MAPK10: variants seen among roughly 807,000 people sequenced by gnomAD.
The protein encoded by MAPK10 is JNK3 alpha protein kinase.
MAPK10 carries 25 observed loss-of-function variants against 59.3 expected under a neutral mutation model. The ratio of observed to expected loss-of-function variants is 0.42; its 90% CI spans 0.31 to 0.59. MAPK10 has a LOEUF of 0.59. Among genes scored for constraint, MAPK10 ranks in the 20% least tolerant of loss-of-function variants. MAPK10 has a pLI of 0.15. For synonymous variants in MAPK10, 190 were observed against 200.5 expected, an observed-to-expected ratio of 0.95 and a Z score of 0.44; for missense variants, 351 against 568.9, an observed-to-expected ratio of 0.62 and a Z score of 3.90.
upstream of MAPK10, among the ~76,000 whole-genome samples, chr4:86,455,667 A>G (rs1751162678): frequency 6.6e-6 from 1 of 152,116 alleles, no homozygotes; most frequent in Non-Finnish European, 1.5e-5. Flanking sequence ...ACAATTACTA[A>G]TAGACCTAAG....
chr4:86,207,282 A>T (rs1200090011), intron 2 of MAPK10, among the ~76,000 whole-genome samples: 1 of 151,670 alleles, frequency 6.6e-6, no homozygotes, highest in Non-Finnish European at 1.5e-5. Flanking sequence ...CAGTTTTTCC[A>T]GCACCATTTA....
upstream of MAPK10, among the ~76,000 whole-genome samples, chr4:86,454,561 A>G (rs1020706307): frequency 2.6e-5 from 4 of 152,162 alleles, no homozygotes; most frequent in Non-Finnish European, 4.4e-5. Flanking sequence ...AGGTTTTCAA[A>G]TTAACCCAAT....
At chr4:86,455,141 C>G (rs1384191151), upstream of MAPK10, among the ~76,000 whole-genome samples, 2 of 152,154 alleles carry the variant, frequency 1.3e-5, no homozygotes, top group Non-Finnish European at 2.9e-5. Flanking sequence ...AGGTCTAAAT[C>G]TTGAAACATA....
At chr4:86,169,584 C>G (rs919211902) in intron 3 of MAPK10, among the ~76,000 whole-genome samples, 1 of 152,240 alleles carries the variant, frequency 6.6e-6, no homozygotes, top group Admixed American at 6.5e-5. Context: ...AAATCTACAT[C>G]TGATTGGTGT....
At position 86,064,405 on chromosome 4, in the gene MAPK10, G is replaced by A. The variant is rs769386684; in HGVS notation, c.986-15C>T. The A allele has an allele frequency of 2.8e-5, 45 of 1,609,350 alleles. No homozygotes were observed. Among genetic ancestry groups the A allele is most frequent in the Admixed American group, 1.4e-4 (8 of 58,738 alleles). On this transcript the variant is annotated splice_polypyrimidine_tract_variant and intron_variant, in intron 10 of 13. Transcript: ENST00000641462. The stretch of plus-strand genomic sequence containing the variant: ...GGCTTGGCTGGCTGAAACAATAAAT[G>A]AGAAAAACAATTAGTAAGATTTTGA...
intron 1 of MAPK10, among the ~76,000 whole-genome samples, chr4:86,540,390 C>T (rs1180773062): frequency 6.6e-6 from 1 of 152,252 alleles, no homozygotes; most frequent in South Asian, 2.1e-4. Context: ...GTCCCAACTA[C>T]TCAGGGGGCT....
At chr4:86,539,483 C>G (rs926927020) in intron 1 of MAPK10, among the ~76,000 whole-genome samples, 1 of 152,052 alleles carries the variant, frequency 6.6e-6, no homozygotes, top group Non-Finnish European at 1.5e-5. Flanking sequence ...TTTAGAAACC[C>G]TTGGTCGCAG....
chr4:86,533,542 T>C (rs1227713568), intron 1 of MAPK10, among the ~76,000 whole-genome samples: 2 of 152,196 alleles, frequency 1.3e-5, no homozygotes, highest in South Asian at 4.1e-4. Flanking sequence ...GATTCCTAAC[T>C]AGTGGGCTAA....
chr4:86,229,089 G>T (rs1375499816), intron 2 of MAPK10, among the ~76,000 whole-genome samples: 1 of 152,058 alleles, frequency 6.6e-6, no homozygotes, highest in Non-Finnish European at 1.5e-5. Context: ...GCAACTAAAG[G>T]TTGCCCAGCA....
At chr4:86,364,043 A>T (rs1737423464), upstream of MAPK10, among the ~76,000 whole-genome samples, 1 of 151,796 alleles carries the variant, frequency 6.6e-6, no homozygotes, top group African/African-American at 2.4e-5. Context: ...TGGCCTCCCA[A>T]AGTTCTGGGA....
intron 9 of MAPK10, among the ~76,000 whole-genome samples, chr4:86,071,813 A>G (rs2048051603): frequency 6.7e-6 from 1 of 149,784 alleles, no homozygotes; most frequent in African/African-American, 2.5e-5. Flanking sequence ...TATAGTTTGA[A>G]GTCAGGTAGT....
At chr4:86,387,366 C>T (rs2046195990) in intron 1 of MAPK10, among the ~76,000 whole-genome samples, 1 of 152,178 alleles carries the variant, frequency 6.6e-6, no homozygotes, top group African/African-American at 2.4e-5. Context: ...TCAGTAAAAA[C>T]AGCCAACTAT....
intron 2 of MAPK10, among the ~76,000 whole-genome samples, chr4:86,256,235 T>C (rs1018078792): frequency 9.2e-5 from 14 of 152,220 alleles, no homozygotes; most frequent in African/African-American, 3.4e-4. Flanking sequence ...ACTAGTGCTT[T>C]CATCCCAGTG....
At chr4:86,512,815 A>G (rs1170740760) in intron 1 of MAPK10, among the ~76,000 whole-genome samples, 1 of 152,224 alleles carries the variant, frequency 6.6e-6, no homozygotes, top group Non-Finnish European at 1.5e-5. Flanking sequence ...TGTCACACAG[A>G]AAGTTAAACA....
Position 86,045,496 on chromosome 4 carries a change from C to T in MAPK10, c.1111-14065G>A, listed in dbSNP as rs539483613. 3.9e-5 allele frequency among the ~76,000 whole-genome samples: 6 copies of T among 152,154 alleles called. No individual in the cohort carries two copies. In the East Asian group the frequency reaches 1.2e-3, roughly 30 times the overall value. On this transcript the variant is annotated intron_variant, in intron 11 of 13. Transcript: ENST00000641462. ...CTCTTGAATATTCTGCCCATGTCTA[C>T]AGTGATTTAGATTACTACAGATCTA...
At chr4:86,279,486 G>A (rs1313760129) in intron 2 of MAPK10, among the ~76,000 whole-genome samples, 2 of 152,114 alleles carry the variant, frequency 1.3e-5, no homozygotes, top group Non-Finnish European at 2.9e-5. Flanking sequence ...AATAATATCT[G>A]CCACATAGAG....
At chr4:86,125,206 A>G (rs1457839879) in intron 4 of MAPK10, 1 of 151,822 alleles carries the variant, frequency 6.6e-6, no homozygotes. Context: ...ATAACAAGCA[A>G]TTTTGAAGAT....
chr4:86,099,127 C>A (rs2054825286), intron 8 of MAPK10: 1 of 152,200 alleles, frequency 6.6e-6, no homozygotes, highest in African/African-American at 2.4e-5. Flanking sequence ...ATGACTGGAA[C>A]CATGGTTTAG....
chr4:86,017,351 A>G lies in MAPK10; in HGVS notation c.1272T>C (p.Ser424=), dbSNP rs113486237. ...PSPSGAAVNS[S]ESLPPSSSVN... ...CAGACGAGGATGGAGGGAGACTCTC[A>G]CTGCTGTTCACTGCTGCACCTGTGC... The change falls in exon 14 of 14, where the codon AGT becomes AGC. Residue 424 remains serine, a synonymous_variant. Transcript: ENST00000641462. This position sits in a 1 kb window ranked among gnomAD's most constrained non-coding sequence, Gnocchi z 4.4. 3.1e-6 allele frequency: 5 copies of G among 1,614,112 alleles called. No individual in the cohort carries two copies.
Sources: gnomAD v4.1 joint callset for allele counts (sites outside exome capture counted in the v4.1 genomes callset) on GRCh38, gnomAD v4.1.1 for gene constraint, Gnocchi (gnomAD v3.1) non-coding constraint, MANE v1.5 for transcripts, NCBI Gene and HGNC (gene_info 2026-07-23, HGNC 2026-07-21) for gene names.